The following HSD3B7 variants were observed in gnomAD, a reference collection of about 807,000 sequenced individuals.
HSD3B7 encodes the protein hydroxy-delta-5-steroid dehydrogenase, 3 beta- and steroid delta-isomerase 7.
In HSD3B7, 35 loss-of-function variants were observed where a neutral mutation model predicts 34.3. That is an observed-to-expected ratio of 1.02 (90% CI 0.78 to 1.35). The LOEUF is 1.35. HSD3B7 is among the 40% of genes most tolerant of loss of function. The probability of loss-of-function intolerance (pLI) is 0.00; values close to 1 mark genes in which losing one functional copy is unlikely to be tolerated. For missense variants in HSD3B7, 426 were observed against 504.7 expected (o/e 0.84, Z 1.49); for synonymous variants, 217 against 220.1 (o/e 0.99, Z 0.13).
At position 30,986,848 on chromosome 16, in the gene HSD3B7, G is replaced by C; in HGVS notation, c.540G>C (p.Gly180=). ...CCTGCCTTTGCCACCAGGTCCGTGGGGGGCTGCCCCTGGTGACGTGTGCCC... is the reference window on the plus strand; with the variant it reads ...CCTGCCTTTGCCACCAGGTCCGTGGCGGGCTGCCCCTGGTGACGTGTGCCC... ...VLEANGRKVR[G]GLPLVTCALR... is the part of the protein sequence containing the mutation. Residue 180 remains glycine, a synonymous_variant, in exon 6 of 7, where the codon GGG becomes GGC. Transcript: ENST00000297679. 1 of 1,614,000 alleles carries C rather than the reference G, an allele frequency of 6.2e-7. No homozygotes were observed. The highest frequency in any genetic ancestry group is 8.5e-7 in the Non-Finnish European group (1 of 1,180,042).
At chr16:30,986,023 G>A (rs747451248) in intron 2 of HSD3B7, 26 bp from the exon 3 acceptor site, 4 of 1,611,262 alleles carry the variant, frequency 2.5e-6, no homozygotes, top group Non-Finnish European at 3.4e-6. Context: ...GCTCTGACAT[G>A]GCCTGTGTCC....
At chr16:30,987,236 C>CT in intron 6 of HSD3B7, 1 of 567,452 alleles carries the variant, frequency 1.8e-6, no homozygotes, top group Non-Finnish European at 3.1e-6. Flanking sequence ...AAGATTGCAG[C>CT]TATGGGAGCA....
rs1054563140 is a variant in HSD3B7 at position 30,987,808 on chromosome 16, G to A, written c.735G>A (p.Leu245=). ...AWMHVLAARE[L]EQRATLMGGQ... ...TGCACGTGCTGGCAGCCCGGGAGCT[G>A]GAGCAGCGGGCAACCCTGATGGGCG... Residue 245 remains leucine, a synonymous_variant, in exon 7 of 7, where the codon CTG becomes CTA. Coordinates refer to ENST00000297679, the MANE Select transcript of HSD3B7 (RefSeq NM_025193.4). The A allele has an allele frequency of 3.1e-6, 5 of 1,612,998 alleles. No individual in the cohort carries two copies. The highest frequency in any genetic ancestry group is 4.2e-6 in the Non-Finnish European group (5 of 1,179,974).
In HSD3B7 at chr16:30,987,842, T is replaced by C; in HGVS notation, c.769T>C (p.Tyr257His). The change falls in exon 7 of 7, where the codon TAC becomes CAC. Residue 257 changes from tyrosine to histidine, a missense_variant. Tyr to His is a moderately conservative substitution (Grantham distance 83). Coordinates refer to ENST00000297679, the MANE Select transcript of HSD3B7 (RefSeq NM_025193.4). ...GGCAACCCTGATGGGCGGCCAGGTA[T>C]ACTTCTGCTACGATGGATCACCCTA... ...QRATLMGGQV[Y>H]FCYDGSPYRS... is the part of the protein sequence containing the mutation. 6.2e-7 allele frequency: 1 copy of C among 1,613,576 alleles called. No individual in the cohort carries two copies. Among genetic ancestry groups the C allele is most frequent in the Non-Finnish European group, 8.5e-7 (1 of 1,179,976 alleles).
At chr16:30,985,565 C>T (rs190775715) in intron 1 of HSD3B7, 88 bp from the exon 2 acceptor site, 45 of 1,535,310 alleles carry the variant, frequency 2.9e-5, no homozygotes, top group Admixed American at 1.6e-4. Flanking sequence ...ACGCCAGCCT[C>T]GTCACCGCTC....
At chr16:30,986,265 C>T in intron 3 of HSD3B7, 61 bp downstream of exon 3, 1 of 1,590,806 alleles carries the variant, frequency 6.3e-7, no homozygotes, top group Non-Finnish European at 8.6e-7. Context: ...TGTCTTTGGC[C>T]TTGACCTCCG....
intron 6 of HSD3B7, chr16:30,987,405 C>A: frequency 2.3e-6 from 1 of 425,954 alleles, no homozygotes; most frequent in Non-Finnish European, 4.4e-6. Context: ...TATGACCGCA[C>A]CACTGCACTC....
rs786200876 is a variant in HSD3B7, at chr16:30,985,702, CAG to C, written c.45_46del (p.Gly17LeufsTer26). The C allele has an allele frequency of 7.5e-5, 120 of 1,608,782 alleles. No homozygotes were observed. Among genetic ancestry groups the C allele is most frequent in the Middle Eastern group, 2.1e-4 (1 of 4,690 alleles). The stretch of plus-strand genomic sequence containing the variant: ...GCCCAGAAGCTGGTGTACCTGGTCA[CAG>C]GGGGCTGTGGCTTCCTGGGAGAGCA... On this transcript the variant is annotated frameshift_variant, in exon 2 of 7. Transcript: ENST00000297679. LOFTEE classifies it high-confidence loss of function.
At position 30,986,040 on chromosome 16, in the gene HSD3B7, C is replaced by T; in HGVS notation, c.167-9C>T. ...TCTGACATGGCCTGTGTCCTCCAAC[C>T]CCGGCCAGGGCCTGTGAGGGTGACT... On this transcript the variant is annotated splice_polypyrimidine_tract_variant and intron_variant, in intron 2 of 6. Transcript: ENST00000297679. 6.2e-7 allele frequency: 1 copy of T among 1,612,266 alleles called. No homozygotes were observed. Among genetic ancestry groups the T allele is most frequent in the Non-Finnish European group, 8.5e-7 (1 of 1,179,770 alleles).
intron 1 of HSD3B7, 61 bp downstream of exon 1, chr16:30,985,358 TC>T (rs1244551592): frequency 1.2e-5 from 15 of 1,293,870 alleles, no homozygotes; most frequent in African/African-American, 1.5e-5. Context: ...CTTCCCACCT[TC>T]CTATAACCTT....
In HSD3B7 at chr16:30,985,715, C is replaced by T. The variant is rs766860286; in HGVS notation, c.57C>T (p.Gly19=). The T allele has an allele frequency of 6.2e-7, 1 of 1,608,866 alleles. No homozygotes were observed. ...TGTACCTGGTCACAGGGGGCTGTGG[C>T]TTCCTGGGAGAGCACGTGGTGCGAA... The part of the protein sequence containing the change: ...KLVYLVTGGC[G]FLGEHVVRML... Residue 19 remains glycine (G), a synonymous_variant, in exon 2 of 7, where the codon GGC becomes GGT. Transcript: ENST00000297679.
In HSD3B7 at chr16:30,986,644, C is replaced by A. The variant is rs151234025; in HGVS notation, c.471C>A (p.His157Gln). The change falls in exon 5 of 7, where the codon CAC becomes CAA. Residue 157 changes from histidine (H) to glutamine (Q), a missense_variant. Physicochemically the swap from His to Gln is conservative, Grantham distance 24. Transcript: ENST00000297679. Reference protein sequence around the residue: ...EDTPYEAVHRHPYPCSKALAE... With the variant: ...EDTPYEAVHRQPYPCSKALAE... Reference sequence around the variant, plus strand: ...CCCCATACGAAGCAGTGCACAGGCACCCCTATCCTTGCAGCAAGGCCCTGG... The same window carrying A: ...CCCCATACGAAGCAGTGCACAGGCAACCCTATCCTTGCAGCAAGGCCCTGG... The A allele has an allele frequency of 1.2e-6, 2 of 1,614,082 alleles. No homozygotes were observed. Among genetic ancestry groups the A allele is most frequent in the Non-Finnish European group, 1.7e-6 (2 of 1,180,044 alleles).
At position 30,986,972 on chromosome 16, in the gene HSD3B7, G is replaced by T; in HGVS notation, c.664G>T (p.Ala222Ser). ...AGGTTGGCTCTTCCGGGCCATCCCGGCCTCTGTGGAGCATGGCCGGGTCTA... is the reference window on the plus strand; with the variant it reads ...AGGTTGGCTCTTCCGGGCCATCCCGTCCTCTGTGGAGCATGGCCGGGTCTA... Reference protein sequence around the residue: ...LGGWLFRAIPASVEHGRVYVG... With the variant: ...LGGWLFRAIPSSVEHGRVYVG... Residue 222 changes from alanine to serine, a missense_variant, in exon 6 of 7, where the codon GCC becomes TCC. Transcript: ENST00000297679. 1 of 1,612,998 alleles carries T rather than the reference G, an allele frequency of 6.2e-7. No homozygotes were observed.
Position 30,987,809 on chromosome 16 carries a change from G to A in HSD3B7, c.736G>A (p.Glu246Lys). The change falls in exon 7 of 7, where the codon GAG (glutamate) becomes AAG (lysine). Residue 246 changes from glutamate to lysine, a missense_variant. Coordinates refer to ENST00000297679, the MANE Select transcript of HSD3B7 (RefSeq NM_025193.4). ...GCACGTGCTGGCAGCCCGGGAGCTG[G>A]AGCAGCGGGCAACCCTGATGGGCGG... ...WMHVLAAREL[E>K]QRATLMGGQV... The A allele has an allele frequency of 1.2e-6, 2 of 1,613,114 alleles. No homozygotes were observed. The highest frequency in any genetic ancestry group is 1.7e-6 in the Non-Finnish European group (2 of 1,179,960).
rs1416401046 is a variant in HSD3B7 at position 30,987,768 on chromosome 16, G to T, written c.695G>T (p.Gly232Val). 1 of 1,611,820 alleles carries T rather than the reference G, an allele frequency of 6.2e-7. No individual in the cohort carries two copies. The highest frequency in any genetic ancestry group is 8.5e-7 in the Non-Finnish European group (1 of 1,179,972). ...TCCGCCTCTCTTCCGCCACCGGCAG[G>T]CAATGTTGCCTGGATGCACGTGCTG... ...ASVEHGRVYVGNVAWMHVLAA... is the reference protein window; with the variant it reads ...ASVEHGRVYVVNVAWMHVLAA... Residue 232 changes from glycine to valine, a missense_variant and splice_region_variant, in exon 7 of 7, where the codon GGC becomes GTC. By Grantham distance (109) the Gly-to-Val change is moderately radical (BLOSUM62 -3). Coordinates refer to ENST00000297679, the MANE Select transcript of HSD3B7 (RefSeq NM_025193.4).
Position 30,985,241 on chromosome 16 carries a change from G to C in HSD3B7, c.-63G>C. 8.9e-7 allele frequency: 1 copy of C among 1,125,556 alleles called. No homozygotes were observed. Among genetic ancestry groups the C allele is most frequent in the Non-Finnish European group, 1.1e-6 (1 of 910,252 alleles). The allele number at this position is 1,125,556 out of a possible 1,614,324, so 69.7% of individuals were successfully genotyped here. On this transcript the variant is annotated 5_prime_UTR_variant, in exon 1 of 7. Transcript: ENST00000297679. ...ACGGTGTGCGGGCCGGCCAGCCCTG[G>C]ACGAAAGAAGAGGGCCCCTCCAGGC...
At position 30,988,185 on chromosome 16, in the gene HSD3B7, G is replaced by A. The variant is rs747934703; in HGVS notation, c.*2G>A. 1.0e-4 allele frequency: 164 copies of A among 1,589,344 alleles called. No homozygotes were observed. Among genetic ancestry groups the A allele is most frequent in the Middle Eastern group, 1.6e-4 (1 of 6,064 alleles). On this transcript the variant is annotated 3_prime_UTR_variant, in exon 7 of 7. Transcript: ENST00000297679. ...GCCGCTACGGGTTCAGCCCAGTGAC[G>A]GTGGGGCTGGGGCCTGGAGGCCCAG...
At chr16:30,985,945 CGAGT>C (rs1384165950) in intron 2 of HSD3B7, 100 bp from the exon 3 acceptor site, 25 of 1,574,258 alleles carry the variant, frequency 1.6e-5, no homozygotes, top group Non-Finnish European at 2.1e-5. Flanking sequence ...ATGGATGGGT[CGAGT>C]GAGTCACATT....
chr16:30,986,621 C>G lies in HSD3B7; in HGVS notation c.448C>G (p.Pro150Ala), dbSNP rs1279762382. 1 of 1,614,204 alleles carries G rather than the reference C, an allele frequency of 6.2e-7. No individual in the cohort carries two copies. The highest frequency in any genetic ancestry group is 8.5e-7 in the Non-Finnish European group (1 of 1,180,024). Residue 150 changes from proline (P) to alanine (A), a missense_variant, in exon 5 of 7, where the codon CCA becomes GCA. Physicochemically the swap from Pro to Ala is conservative, Grantham distance 27. Transcript: ENST00000297679. ...HPFYRGNEDT[P>A]YEAVHRHPYP... is the part of the protein sequence containing the mutation. ...TCCCACCAGGGGCAACGAAGACACCCCATACGAAGCAGTGCACAGGCACCC... is the reference window on the plus strand; with the variant it reads ...TCCCACCAGGGGCAACGAAGACACCGCATACGAAGCAGTGCACAGGCACCC...
Sources: gnomAD v4.1 joint callset for allele counts on GRCh38, gnomAD v4.1.1 for gene constraint, MANE v1.5 for transcripts, NCBI Gene and HGNC (gene_info 2026-07-23, HGNC 2026-07-21) for gene names.